Variants in POPDC1 observed in about 807,000 individuals in gnomAD.
The protein encoded by POPDC1 is popeye domain-containing protein 1.
At chr6:105,124,385 C>CA in the POPDC1 span, among the ~76,000 whole-genome samples, 90 of 81,744 alleles carry the variant, frequency 1.1e-3, no homozygotes, top group Non-Finnish European at 1.2e-3. Flanking sequence ...CCGTCTCAAA[C>CA]AAAAAAAAAA....
the POPDC1 span, among the ~76,000 whole-genome samples, chr6:105,126,429 C>CAA: frequency 2.0e-3 from 255 of 129,172 alleles, no homozygotes; most frequent in African/African-American, 6.6e-3. Flanking sequence ...AACACTGTCT[C>CAA]AAAAAAAAAA....
At chr6:105,123,176 A>C in the POPDC1 span, among the ~76,000 whole-genome samples, 2 of 152,020 alleles carry the variant, frequency 1.3e-5, no homozygotes, top group Non-Finnish European at 2.9e-5. Flanking sequence ...CTTCGTTTCC[A>C]TTTCTTACCT....
At chr6:105,125,459 C>T in the POPDC1 span, 1 of 1,614,154 alleles carries the variant, frequency 6.2e-7, no homozygotes, top group Non-Finnish European at 8.5e-7. Flanking sequence ...AAGTTTGGCC[C>T]TTTTTCAAGG....
chr6:105,133,151 TAAAC>T, the POPDC1 span, among the ~76,000 whole-genome samples: 1 of 152,212 alleles, frequency 6.6e-6, no homozygotes, highest in Admixed American at 6.5e-5. Context: ...AAAGCACATA[TAAAC>T]AAAGTAAGTA....
the POPDC1 span, chr6:105,099,021 C>A: frequency 1.3e-5 from 2 of 152,250 alleles, no homozygotes; most frequent in Non-Finnish European, 2.9e-5. Context: ...TGTACCACCA[C>A]ACCCAGCTAA....
chr6:105,101,314 G>T, the POPDC1 span: 1 of 1,271,670 alleles, frequency 7.9e-7, no homozygotes, highest in Middle Eastern at 2.5e-4. Context: ...TAAAACTGTA[G>T]GAATCTATCA....
the POPDC1 span, among the ~76,000 whole-genome samples, chr6:105,120,493 T>C: frequency 6.6e-6 from 1 of 152,230 alleles, no homozygotes; most frequent in Non-Finnish European, 1.5e-5. Flanking sequence ...ATAAAATAAA[T>C]TTACTTCTTA....
the POPDC1 span, among the ~76,000 whole-genome samples, chr6:105,114,136 AAC>A: frequency 6.6e-6 from 1 of 152,218 alleles, no homozygotes; most frequent in Non-Finnish European, 1.5e-5. Context: ...TAAGTCTTCC[AAC>A]ACAATTTAGT....
chr6:105,113,215 A>G, the POPDC1 span, among the ~76,000 whole-genome samples: 7 of 152,078 alleles, frequency 4.6e-5, no homozygotes, highest in Non-Finnish European at 8.8e-5. Context: ...TACAGGTGTG[A>G]GGCACTGTGC....
the POPDC1 span, among the ~76,000 whole-genome samples, chr6:105,109,962 T>A: frequency 1.3e-5 from 2 of 151,908 alleles, no homozygotes; most frequent in Admixed American, 1.3e-4. Context: ...CTTGATAATT[T>A]AAACAATTTT....
chr6:105,100,564 ATATATGTATGTATGTATG>A, the POPDC1 span: 2 of 140,580 alleles, frequency 1.4e-5, no homozygotes, highest in African/African-American at 5.5e-5. Context: ...ATATATATAT[ATATATGTATGTATGTATG>A]TGTGTGTGTG....
the POPDC1 span, among the ~76,000 whole-genome samples, chr6:105,101,968 G>GT: frequency 6.6e-6 from 1 of 152,134 alleles, no homozygotes; most frequent in Non-Finnish European, 1.5e-5. Flanking sequence ...CTATCTAAAA[G>GT]TAAGAGTAGA....
At chr6:105,124,388 A>C in the POPDC1 span, among the ~76,000 whole-genome samples, 3 of 4,630 alleles carry the variant, frequency 6.5e-4, no homozygotes, top group Admixed American at 4.3e-3. Context: ...TCTCAAACAA[A>C]AAAAAAAAAA....
At chr6:105,124,292 G>A in the POPDC1 span, among the ~76,000 whole-genome samples, 1 of 150,070 alleles carries the variant, frequency 6.7e-6, no homozygotes, top group African/African-American at 2.5e-5. Flanking sequence ...TGAGGCAGGA[G>A]AATGGCGTGA....
At chr6:105,123,798 A>C in the POPDC1 span, among the ~76,000 whole-genome samples, 1 of 152,246 alleles carries the variant, frequency 6.6e-6, no homozygotes, top group Non-Finnish European at 1.5e-5. Context: ...TTCATTAAGT[A>C]AAAAGAGTTT....
the POPDC1 span, among the ~76,000 whole-genome samples, chr6:105,135,919 T>G: frequency 1.8e-4 from 27 of 152,180 alleles, no homozygotes; most frequent in Admixed American, 1.8e-3. Context: ...ATTGGTAAAC[T>G]TTTCAGATTA....
chr6:105,110,688 A>T, the POPDC1 span, among the ~76,000 whole-genome samples: 1 of 151,050 alleles, frequency 6.6e-6, no homozygotes, highest in African/African-American at 2.4e-5. Context: ...CCACAACAGC[A>T]TTTTTTTTTC....
the POPDC1 span, chr6:105,129,306 TAACTCTG>T: frequency 1.5e-6 from 2 of 1,345,002 alleles, no homozygotes; most frequent in Non-Finnish European, 2.0e-6. Flanking sequence ...TACTTACTCT[TAACTCTG>T]AACAAAGTAC....
At chr6:105,121,616 T>C in the POPDC1 span, among the ~76,000 whole-genome samples, 1 of 152,336 alleles carries the variant, frequency 6.6e-6, no homozygotes, top group South Asian at 2.1e-4. Context: ...TCAATAGTTA[T>C]AAACAGCAAC....
Sources: gnomAD v4.1 joint callset for allele counts (sites outside exome capture counted in the v4.1 genomes callset) on GRCh38, gnomAD v4.1.1 for gene constraint, MANE v1.5 for transcripts, NCBI Gene and HGNC (gene_info 2026-07-23, HGNC 2026-07-21) for gene names.